LHFPL6: variants seen among roughly 807,000 people sequenced by gnomAD.
The protein encoded by LHFPL6 is LHFPL tetraspan subfamily member 6.
In LHFPL6, 9 loss-of-function variants were observed where a neutral mutation model predicts 20.6. That is an observed-to-expected ratio of 0.44 (90% CI 0.26 to 0.76). The LOEUF (loss-of-function observed/expected upper bound fraction) is 0.76. Ranked by LOEUF, LHFPL6 falls within the 30% of genes least tolerant of loss-of-function variation. The pLI is 0.20. For missense variants in LHFPL6, 218 were observed against 253.5 expected (o/e 0.86, Z 0.95); for synonymous variants, 105 against 98.7 (o/e 1.06, Z -0.38).
intron 2 of LHFPL6, among the ~76,000 whole-genome samples, chr13:39,510,213 C>G (rs1869643733): frequency 6.6e-6 from 1 of 150,948 alleles, no homozygotes; most frequent in South Asian, 2.1e-4. Flanking sequence ...ACTAATTAAA[C>G]ATTGCAGCAC....
At chr13:39,592,527 G>A (rs921817544) in intron 2 of LHFPL6, among the ~76,000 whole-genome samples, 3 of 152,144 alleles carry the variant, frequency 2.0e-5, no homozygotes, top group African/African-American at 2.4e-5. Flanking sequence ...ATGCACAGCC[G>A]AATTCTACCA....
At chr13:39,379,859 G>A (rs1394485065) in intron 2 of LHFPL6, among the ~76,000 whole-genome samples, 1 of 152,204 alleles carries the variant, frequency 6.6e-6, no homozygotes, top group Non-Finnish European at 1.5e-5. Context: ...GCAAGGCAGA[G>A]GGCCATCTAC....
chr13:39,363,880 T>C (rs1286772672), intron 3 of LHFPL6, among the ~76,000 whole-genome samples: 1 of 152,186 alleles, frequency 6.6e-6, no homozygotes, highest in Non-Finnish European at 1.5e-5. Flanking sequence ...ACCAGGCCGT[T>C]GGGATATATA....
intron 2 of LHFPL6, among the ~76,000 whole-genome samples, chr13:39,394,753 T>C (rs1337639203): frequency 6.6e-6 from 1 of 152,154 alleles, no homozygotes; most frequent in Non-Finnish European, 1.5e-5. Flanking sequence ...AGTACATGGA[T>C]AGCTCAGTTT....
At chr13:39,364,241 G>A (rs1265882445) in intron 3 of LHFPL6, among the ~76,000 whole-genome samples, 1 of 152,232 alleles carries the variant, frequency 6.6e-6, no homozygotes, top group Non-Finnish European at 1.5e-5. Flanking sequence ...AGAACTAGAT[G>A]TCCAGGTGAT....
chr13:39,517,312 G>A (rs962469600), intron 2 of LHFPL6, among the ~76,000 whole-genome samples: 2 of 152,108 alleles, frequency 1.3e-5, no homozygotes, highest in Admixed American at 6.5e-5. Context: ...TCATAGTATG[G>A]GAGAAAAGAA....
chr13:39,394,827 T>G (rs1203398959), intron 2 of LHFPL6, among the ~76,000 whole-genome samples: 1 of 152,198 alleles, frequency 6.6e-6, no homozygotes, highest in Non-Finnish European at 1.5e-5. Flanking sequence ...TCACAGTTAG[T>G]AAAAGAATCA....
At chr13:39,371,103 C>T (rs957639266) in intron 3 of LHFPL6, among the ~76,000 whole-genome samples, 4 of 152,274 alleles carry the variant, frequency 2.6e-5, no homozygotes, top group Non-Finnish European at 5.9e-5. Context: ...AACAGACTCT[C>T]ATCTTTATCA....
chr13:39,372,831 G>GT (rs1870196390), intron 3 of LHFPL6, among the ~76,000 whole-genome samples: 1 of 152,164 alleles, frequency 6.6e-6, no homozygotes, highest in Admixed American at 6.5e-5. Flanking sequence ...TTTGAACTCA[G>GT]TTTAAATGTT....
At chr13:39,509,278 G>T (rs1869601787) in intron 2 of LHFPL6, among the ~76,000 whole-genome samples, 1 of 151,560 alleles carries the variant, frequency 6.6e-6, no homozygotes, top group African/African-American at 2.4e-5. Flanking sequence ...TCCTTTATCG[G>T]GTATGTGATT....
chr13:39,364,070 A>G (rs1869949074), intron 3 of LHFPL6, among the ~76,000 whole-genome samples: 1 of 152,336 alleles, frequency 6.6e-6, no homozygotes, highest in Admixed American at 6.5e-5. Context: ...GCGATCCATC[A>G]TTGACTGAAA....
chr13:39,528,192 G>T (rs924917988), intron 2 of LHFPL6, among the ~76,000 whole-genome samples: 1 of 151,978 alleles, frequency 6.6e-6, no homozygotes, highest in Non-Finnish European at 1.5e-5. Context: ...GGATCTCAGC[G>T]CCCAGGCCAG....
intron 2 of LHFPL6, among the ~76,000 whole-genome samples, chr13:39,438,320 T>C (rs1872020794): frequency 6.6e-6 from 1 of 152,206 alleles, no homozygotes; most frequent in African/African-American, 2.4e-5. Flanking sequence ...TAGCAAAGCA[T>C]TCAAGATGTG....
chr13:39,372,560 G>C (rs1335701232), intron 3 of LHFPL6, among the ~76,000 whole-genome samples: 1 of 152,296 alleles, frequency 6.6e-6, no homozygotes, highest in East Asian at 1.9e-4. Flanking sequence ...AGTAAGCAGA[G>C]TAACAGACTT....
chr13:39,478,113 TG>T (rs928955798), intron 2 of LHFPL6, among the ~76,000 whole-genome samples: 3 of 152,240 alleles, frequency 2.0e-5, no homozygotes, highest in African/African-American at 7.2e-5. Context: ...TAGTGTTTAC[TG>T]AGCACTTACT....
In LHFPL6 at chr13:39,601,177, A is replaced by G. The variant is rs1355325003; in HGVS notation, c.40T>C (p.Leu14=). Residue 14 remains leucine (L), a synonymous_variant, in exon 2 of 4, where the codon TTG becomes CTG. Coordinates refer to ENST00000379589, the MANE Select transcript of LHFPL6 (RefSeq NM_005780.3). ...GTGGCAGCACAAAGAAAAGACAGCA[A>G]AGCCCAGATTACTCCAGTACAAGTC... The part of the protein sequence containing the change: ...SLTCTGVIWA[L]LSFLCAATSC... The G allele has an allele frequency of 1.9e-6, 3 of 1,613,856 alleles. No homozygotes were observed. Among genetic ancestry groups the G allele is most frequent in the Non-Finnish European group, 2.5e-6 (3 of 1,179,980 alleles).
intron 3 of LHFPL6, among the ~76,000 whole-genome samples, chr13:39,371,783 AACCATAAGAAGCACGTGGCATTCCCTGG>A (rs1870172810): frequency 6.6e-6 from 1 of 152,212 alleles, no homozygotes; most frequent in Admixed American, 6.5e-5. Flanking sequence ...ATCTAAGCTG[AACCATAAGAAGCACGTGGCATTCCCTGG>A]CAGCCATTAT....
At chr13:39,507,943 C>T (rs1353217048) in intron 2 of LHFPL6, among the ~76,000 whole-genome samples, 2 of 146,256 alleles carry the variant, frequency 1.4e-5, no homozygotes, top group African/African-American at 2.5e-5. Context: ...ATTTCTTTCT[C>T]TTTTCCTTCC....
chr13:39,545,533 C>T (rs1382720220), intron 2 of LHFPL6, among the ~76,000 whole-genome samples: 1 of 152,046 alleles, frequency 6.6e-6, no homozygotes, highest in Non-Finnish European at 1.5e-5. Flanking sequence ...AGTTTCATCA[C>T]CTTGACAACG....
Sources: gnomAD v4.1 joint callset for allele counts (sites outside exome capture counted in the v4.1 genomes callset) on GRCh38, gnomAD v4.1.1 for gene constraint, MANE v1.5 for transcripts, NCBI Gene and HGNC (gene_info 2026-07-23, HGNC 2026-07-21) for gene names.